The following PHC2 variants were observed in gnomAD, a reference collection of about 807,000 sequenced individuals.
PHC2 encodes the protein polyhomeotic-like protein 2.
Under a neutral mutation model 87.4 loss-of-function variants are expected in PHC2, and 29 were observed. The observed-to-expected ratio is 0.33, with a 90% CI of 0.25 to 0.45. The LOEUF is 0.45. PHC2 is among the 20% of genes least tolerant of loss of function. The probability of loss-of-function intolerance (pLI) is 1.00; values close to 1 mark genes in which losing one functional copy is unlikely to be tolerated. For synonymous variants in PHC2, 438 were observed against 461.7 expected (o/e 0.95, Z 0.66); for missense variants, 857 against 1,136.7 (o/e 0.75, Z 3.54).
At chr1:33,424,418 G>A (rs956518476) in intron 1 of PHC2, among the ~76,000 whole-genome samples, 3 of 152,124 alleles carry the variant, frequency 2.0e-5, no homozygotes, top group Admixed American at 1.3e-4. Flanking sequence ...AAATTCCTGC[G>A]AGGTTCTCTC....
chr1:33,354,407 C>A lies in PHC2; in HGVS notation c.1552G>T (p.Ala518Ser), dbSNP rs145232419. 2.4e-5 allele frequency: 38 copies of A among 1,612,378 alleles called. No individual in the cohort carries two copies. Among genetic ancestry groups the A allele is most frequent in the Middle Eastern group, 1.7e-4 (1 of 5,758 alleles). ...PTSPNIQPSP[A>S]HETGQGIVHA... ...GCCCCACTGTGCTTCATACCGTGAG[C>A]TGGGGACGGCTGGATGTTAGGGCTC... Residue 518 changes from alanine (A) to serine (S), a missense_variant, in exon 9 of 15, where the codon GCT becomes TCT. Ala to Ser is a moderately conservative substitution (Grantham distance 99). Around this residue, in one of 3 missense-constraint regions of PHC2, gnomAD observed 832 missense variants for 1,081.8 expected, o/e 0.77. Transcript: ENST00000683057.
Position 33,332,430 on chromosome 1 carries a change from G to A in PHC2, c.1762-26C>T, listed in dbSNP as rs80176156. ...CTAGAGGACAGGTAACACGGAGGCC[G>A]TGAGGGTCAGGTGGGAGCGGCTTCC... On this transcript the variant is annotated intron_variant, in intron 10 of 14. Coordinates refer to ENST00000683057, the MANE Select transcript of PHC2 (RefSeq NM_001385109.1). The surrounding 1 kb of genome is among the most constrained non-coding windows in gnomAD (Gnocchi z 4.2). 1.4e-4 allele frequency: 223 copies of A among 1,613,744 alleles called. No individual in the cohort carries two copies. The highest frequency in any genetic ancestry group is 1.5e-4 in the Non-Finnish European group (177 of 1,179,842).
At chr1:33,343,318 TA>T (rs1646781782) in intron 9 of PHC2, among the ~76,000 whole-genome samples, 1 of 147,520 alleles carries the variant, frequency 6.8e-6, no homozygotes, top group Admixed American at 6.7e-5. Context: ...AAAAAAAAAA[TA>T]AATAACTGGG....
rs190858625 is a variant in PHC2 at position 33,345,511 on chromosome 1, A to T, written c.1558+8890T>A. ...AATAATTTGGAAGGAGAAGGAAACA[A>T]AAAAAACCTTGAAGTTTTCTATGCT... On this transcript the variant is annotated intron_variant, in intron 9 of 14. Coordinates refer to ENST00000683057, the MANE Select transcript of PHC2 (RefSeq NM_001385109.1). The T allele has an allele frequency of 6.4e-4, 633 of 982,566 alleles. 5 individuals are homozygous for T. In the African/African-American group the frequency reaches 0.01, roughly 16 times the overall value. 60.9% of individuals were successfully genotyped at this position (982,566 alleles called of 1,614,324 possible). A position where few individuals can be genotyped will look rare whatever the true frequency, so the allele number is the denominator to read the frequency against.
chr1:33,354,961 A>G lies in PHC2; in HGVS notation c.1269T>C (p.Cys423=). The G allele has an allele frequency of 6.2e-7, 1 of 1,614,182 alleles. No homozygotes were observed. The part of the protein sequence containing the change: ...NLHKPGGSQQ[C]HPPTPDTGPQ... ...GCCCAGTATCAGGTGTGGGAGGGTGACACTGCTGACTGCCGCCAGGCTTGT... is the reference window on the plus strand; with the variant it reads ...GCCCAGTATCAGGTGTGGGAGGGTGGCACTGCTGACTGCCGCCAGGCTTGT... The change falls in exon 8 of 15, where the codon TGT becomes TGC. Residue 423 remains cysteine (C), a synonymous_variant. Transcript: ENST00000683057.
In PHC2 at chr1:33,324,724, C is replaced by A; in HGVS notation, c.*141G>T. ...CCCTGAGAGCCATGGAGGAGGTGCC[C>A]AGACCTCCTCACCAGCTATGCCCCT... On this transcript the variant is annotated 3_prime_UTR_variant, in exon 15 of 15. Coordinates refer to ENST00000683057, the MANE Select transcript of PHC2 (RefSeq NM_001385109.1). The A allele has an allele frequency of 1.2e-6, 1 of 833,376 alleles. No homozygotes were observed. 51.6% of individuals were successfully genotyped at this position (833,376 alleles called of 1,614,324 possible).
intron 1 of PHC2, among the ~76,000 whole-genome samples, chr1:33,378,423 C>G (rs938917935): frequency 1.3e-5 from 2 of 152,216 alleles, no homozygotes; most frequent in Admixed American, 1.3e-4. Context: ...TCTCTTAGTT[C>G]AAAGTCTCAC....
chr1:33,372,480 G>A (rs1490293577), intron 2 of PHC2, 33 bp from the exon 3 acceptor site: 3 of 1,498,672 alleles, frequency 2.0e-6, no homozygotes, highest in East Asian at 2.4e-5. Flanking sequence ...GAGCCAGGCT[G>A]GTAGCTGCCA....
At chr1:33,325,161 T>C in intron 14 of PHC2, 142 bp from the exon 15 acceptor site, 1 of 815,148 alleles carries the variant, frequency 1.2e-6, no homozygotes. Context: ...AGGAAGGCGC[T>C]GCTGTTCTTA....
chr1:33,353,822 G>A (rs979606453), intron 9 of PHC2, among the ~76,000 whole-genome samples: 18 of 152,156 alleles, frequency 1.2e-4, no homozygotes, highest in African/African-American at 4.1e-4. Context: ...TCTCCCATCC[G>A]GGTGAAGGGA....
intron 7 of PHC2, chr1:33,363,941 TCTC>T: frequency 1.0e-6 from 1 of 983,176 alleles, no homozygotes; most frequent in Non-Finnish European, 1.2e-6. Context: ...GCCAGGCCCT[TCTC>T]CTTCCCCTCC....
At chr1:33,335,908 A>C (rs1284563567) in intron 9 of PHC2, among the ~76,000 whole-genome samples, 3 of 126,442 alleles carry the variant, frequency 2.4e-5, no homozygotes, top group Middle Eastern at 4.1e-3. Flanking sequence ...TTGGGGGGGG[A>C]GGGGGGGAAA....
At chr1:33,390,822 GT>G (rs2148360983) in intron 1 of PHC2, among the ~76,000 whole-genome samples, 1 of 151,996 alleles carries the variant, frequency 6.6e-6, no homozygotes, top group African/African-American at 2.4e-5. Context: ...ACTATTCTTA[GT>G]TTGAGGGACT....
At chr1:33,356,553 A>T (rs1212371327) in intron 7 of PHC2, among the ~76,000 whole-genome samples, 1 of 151,738 alleles carries the variant, frequency 6.6e-6, no homozygotes, top group Admixed American at 6.6e-5. Flanking sequence ...CACCGCCCTT[A>T]ATCCATTTAA....
At position 33,371,076 on chromosome 1, in the gene PHC2, T is replaced by C; in HGVS notation, c.352A>G (p.Arg118Gly). ...TTGCTGCCTGAAGTGCTTCCTTGTC[T>C]ATTGGATACCAGGCTTGCCTAGGAA... ...AVQQASLVSNRQGSTSGSNVS... is the reference protein window; with the variant it reads ...AVQQASLVSNGQGSTSGSNVS... Residue 118 changes from arginine (R) to glycine (G), a missense_variant, in exon 4 of 15, where the codon AGA becomes GGA. Arg to Gly is a moderately radical substitution (Grantham distance 125, BLOSUM62 -2). Around this residue, in one of 3 missense-constraint regions of PHC2, gnomAD observed 832 missense variants for 1,081.8 expected, o/e 0.77. Transcript: ENST00000683057. The C allele has an allele frequency of 6.2e-7, 1 of 1,614,024 alleles. No individual in the cohort carries two copies. The highest frequency in any genetic ancestry group is 1.7e-5 in the Admixed American group (1 of 60,024).
chr1:33,423,378 AT>A (rs1650507042), intron 1 of PHC2, among the ~76,000 whole-genome samples: 2 of 152,210 alleles, frequency 1.3e-5, no homozygotes, highest in East Asian at 3.8e-4. Flanking sequence ...TACAGCCAAG[AT>A]TTTAAGACCT....
rs555660177 is a variant in PHC2, at chr1:33,387,095, A to G, written c.-54-11502T>C. On this transcript the variant is annotated intron_variant, in intron 1 of 14. Transcript: ENST00000683057. ...AGTTCAAGGGCCTAAAAACTTATCT[A>G]GAAATTTTTTACTGGCCTTCTTTTT... Among the ~76,000 whole-genome samples the G allele has an allele frequency of 4.6e-5, 7 of 152,342 alleles. No individual in the cohort carries two copies. The South Asian group carries it at 1.4e-3, about 32-fold the overall frequency.
chr1:33,370,936 T>C (rs1297421128), intron 4 of PHC2, 81 bp downstream of exon 4: 2 of 1,137,552 alleles, frequency 1.8e-6, no homozygotes, highest in Non-Finnish European at 2.7e-6. Flanking sequence ...TGGCCACGGA[T>C]TCACCACAAC....
intron 1 of PHC2, among the ~76,000 whole-genome samples, chr1:33,389,505 G>A (rs1648942027): frequency 6.6e-6 from 1 of 152,012 alleles, no homozygotes. Flanking sequence ...CACTTAAAGG[G>A]CCCAGCCCTT....
Sources: gnomAD v4.1 joint callset for allele counts (sites outside exome capture counted in the v4.1 genomes callset) on GRCh38, gnomAD v4.1.1 for gene constraint, gnomAD v4.1.1 regional missense constraint, Gnocchi (gnomAD v3.1) non-coding constraint, MANE v1.5 for transcripts, NCBI Gene and HGNC (gene_info 2026-07-23, HGNC 2026-07-21) for gene names.